Variants in CUX1 observed in about 807,000 individuals in gnomAD.
CUX1 encodes the protein cut like homeobox 1.
CUX1 carries 31 observed loss-of-function variants against 158.8 expected under a neutral mutation model. The ratio of observed to expected loss-of-function variants is 0.20; its 90% confidence interval spans 0.15 to 0.26. The LOEUF (loss-of-function observed/expected upper bound fraction) is 0.26, where lower values mean the gene tolerates loss of function less well. Among genes scored for constraint, CUX1 ranks in the 10% least tolerant of loss-of-function variants. The pLI is 1.00. For synonymous variants in CUX1, 879 were observed against 862.1 expected (o/e 1.02, Z -0.34); for missense variants, 1,589 against 2,014.6 (o/e 0.79, Z 4.04).
chr7:101,906,964 C>T (rs547092288), intron 1 of CUX1, among the ~76,000 whole-genome samples: 2 of 152,070 alleles, frequency 1.3e-5, no homozygotes, highest in African/African-American at 2.4e-5. Context: ...CTTCCTGGTT[C>T]GAGATGCCCC....
chr7:102,193,039 C>G (rs1794445079), intron 12 of CUX1, among the ~76,000 whole-genome samples: 1 of 152,228 alleles, frequency 6.6e-6, no homozygotes, highest in Non-Finnish European at 1.5e-5. Flanking sequence ...ACATCTTTGT[C>G]ATTGCACTCC....
intron 8 of CUX1, among the ~76,000 whole-genome samples, chr7:102,137,097 C>A (rs1442855526): frequency 6.6e-6 from 1 of 152,190 alleles, no homozygotes; most frequent in Non-Finnish European, 1.5e-5. Flanking sequence ...TGATCCTCTT[C>A]TTTCATTCCT....
chr7:102,185,973 A>G (rs905998420), intron 11 of CUX1, among the ~76,000 whole-genome samples: 1 of 152,230 alleles, frequency 6.6e-6, no homozygotes, highest in Non-Finnish European at 1.5e-5. Context: ...GAATAAGCGC[A>G]GGTCTAGCAT....
chr7:102,007,173 G>C (rs567136931), intron 2 of CUX1, among the ~76,000 whole-genome samples: 5 of 152,086 alleles, frequency 3.3e-5, no homozygotes, highest in Non-Finnish European at 7.4e-5. Flanking sequence ...ACAGGGTCTC[G>C]CTCTGTAGCG....
At position 101,975,825 on chromosome 7, in the gene CUX1, G is replaced by A. The variant is rs146210188; in HGVS notation, c.142-52273G>A. On this transcript the variant is annotated intron_variant, in intron 2 of 23. Coordinates refer to ENST00000292535, the MANE Select transcript of CUX1 (RefSeq NM_181552.4). ...ATTTTGGTTGGTCTTTTACCTCGTC[G>A]TCATCTTACTCACTTTTAAAGAGCA... 5.3e-5 allele frequency among the ~76,000 whole-genome samples: 8 copies of A among 152,148 alleles called. No homozygotes were observed. The East Asian group carries it at 7.8e-4, about 15-fold the overall frequency.
chr7:102,169,850 G>A (rs192221388), intron 9 of CUX1, among the ~76,000 whole-genome samples: 1 of 152,284 alleles, frequency 6.6e-6, no homozygotes, highest in East Asian at 1.9e-4. Flanking sequence ...TCCTCGGATT[G>A]GCCTGGTTGG....
chr7:102,109,130 T>G lies in CUX1; in HGVS notation c.531-2568T>G, dbSNP rs181301374. ...CTGGAAGAAAACTGGGGTGCATATTTGTTTTTATTAATATGACTATATAAA... is the reference window on the plus strand; with the variant it reads ...CTGGAAGAAAACTGGGGTGCATATTGGTTTTTATTAATATGACTATATAAA... On this transcript the variant is annotated intron_variant, in intron 6 of 23. Coordinates refer to ENST00000292535, the MANE Select transcript of CUX1 (RefSeq NM_181552.4). Among the ~76,000 whole-genome samples, 281 of 152,322 alleles carry G rather than the reference T, an allele frequency of 1.8e-3. 1 individual carries two copies. The highest frequency in any genetic ancestry group is 6.7e-3 in the African/African-American group (277 of 41,572).
intron 1 of CUX1, among the ~76,000 whole-genome samples, chr7:101,904,206 G>A (rs549664964): frequency 5.9e-5 from 9 of 152,158 alleles, no homozygotes; most frequent in African/African-American, 1.7e-4. Context: ...TGGCTGAGGC[G>A]GGAGGATTGC....
At chr7:101,828,098 C>T (rs1793587800) in intron 1 of CUX1, among the ~76,000 whole-genome samples, 1 of 151,510 alleles carries the variant, frequency 6.6e-6, no homozygotes, top group African/African-American at 2.4e-5. Flanking sequence ...GCCTCAGCCT[C>T]CTGAGTAGCT....
chr7:102,074,056 A>G (rs1245194480), intron 4 of CUX1, among the ~76,000 whole-genome samples: 2 of 152,338 alleles, frequency 1.3e-5, no homozygotes, highest in African/African-American at 4.8e-5. Context: ...TTGAAGTCTG[A>G]TTATTGCTCA....
rs71119798 is a variant in CUX1, at chr7:101,984,148, ATGTGTGTGTG to A, written c.142-43932_142-43923del. Among the ~76,000 whole-genome samples the A allele has an allele frequency of 4.8e-3, 362 of 75,300 alleles. 7 individuals are homozygous for A. The highest frequency in any genetic ancestry group is 8.1e-3 in the Non-Finnish European group (299 of 36,880). The allele number at this position is 75,300 out of a possible 152,430, so 49.4% of individuals were successfully genotyped here. ...TATATATACACACACACATATATAT[ATGTGTGTGTG>A]TGTGTGTGTGTGTGTGTTAGGGGAC... On this transcript the variant is annotated intron_variant, in intron 2 of 23. Coordinates refer to ENST00000292535, the MANE Select transcript of CUX1 (RefSeq NM_181552.4).
At chr7:102,063,763 T>C (rs1334128891) in intron 3 of CUX1, among the ~76,000 whole-genome samples, 1 of 152,226 alleles carries the variant, frequency 6.6e-6, no homozygotes, top group East Asian at 1.9e-4. Context: ...GGGTCACATC[T>C]GCAGACCATG....
chr7:101,963,455 G>A (rs1227229470), intron 2 of CUX1, among the ~76,000 whole-genome samples: 1 of 152,156 alleles, frequency 6.6e-6, no homozygotes, highest in East Asian at 1.9e-4. Context: ...CCAGGCCTCT[G>A]CCTTCCTCTA....
Position 102,254,967 on chromosome 7 carries a change from C to G in CUX1, c.*5925C>G. The stretch of plus-strand genomic sequence containing the variant: ...TTAGAAAGATCCAGTCTGTGAAACC[C>G]TTAGAGATGGGCTGAAAGTTAAGTC... On this transcript the variant is annotated 3_prime_UTR_variant, in exon 24 of 24. Transcript: ENST00000292535. 1.0e-6 allele frequency: 1 copy of G among 985,452 alleles called. No individual in the cohort carries two copies. Among genetic ancestry groups the G allele is most frequent in the Non-Finnish European group, 1.2e-6 (1 of 829,970 alleles). 61.0% of individuals were successfully genotyped at this position (985,452 alleles called of 1,614,324 possible).
At chr7:102,280,942 C>A in intron 20 of CUX1, 2 of 1,395,954 alleles carry the variant, frequency 1.4e-6, no homozygotes, top group East Asian at 2.3e-5. Context: ...GCCCTGCAGC[C>A]CAGGCTGGAG....
intron 21 of CUX1, among the ~76,000 whole-genome samples, chr7:102,232,773 C>A (rs1318798656): frequency 6.6e-6 from 1 of 152,218 alleles, no homozygotes; most frequent in African/African-American, 2.4e-5. Flanking sequence ...GCCCTCTGAT[C>A]AGCCTGTGAA....
chr7:101,838,711 G>A (rs1343714890), intron 1 of CUX1, among the ~76,000 whole-genome samples: 1 of 151,904 alleles, frequency 6.6e-6, no homozygotes, highest in Non-Finnish European at 1.5e-5. Flanking sequence ...GCTGAGACAG[G>A]AGAATCGCTT....
At chr7:102,061,295 C>T (rs1324595703) in intron 3 of CUX1, among the ~76,000 whole-genome samples, 9 of 152,088 alleles carry the variant, frequency 5.9e-5, no homozygotes, top group African/African-American at 1.9e-4. Context: ...AGGATTCAAA[C>T]CCAAGTCTGT....
At position 101,859,798 on chromosome 7, in the gene CUX1, TTCTC is replaced by T. The variant is rs138233286; in HGVS notation, c.30+42144_30+42147del. On this transcript the variant is annotated intron_variant, in intron 1 of 23. Coordinates refer to ENST00000292535, the MANE Select transcript of CUX1 (RefSeq NM_181552.4). ...TTAAGATCCTAGCAGAAGGTTGCTT[TTCTC>T]TCTCTCTCTCTCTCAGTCCTTTCTT... is the stretch of plus-strand genomic sequence containing the variant. Among the ~76,000 whole-genome samples the T allele has an allele frequency of 2.2e-3, 337 of 150,822 alleles. 2 individuals are homozygous for T. The highest frequency in any genetic ancestry group is 5.8e-3 in the Admixed American group (88 of 15,110).
Sources: allele counts gnomAD v4.1 joint callset (sites outside exome capture counted in the v4.1 genomes callset), GRCh38; gene constraint gnomAD v4.1.1; transcripts MANE v1.5; gene names NCBI Gene and HGNC (gene_info 2026-07-23, HGNC 2026-07-21).